The following TULP4 variants were observed in gnomAD, a reference collection of about 807,000 sequenced individuals.
TULP4 encodes the protein tubby-related protein 4.
A neutral mutation model predicts 129.0 loss-of-function variants in TULP4; 16 were observed. The observed-to-expected ratio is 0.12, with a 90% CI of 0.08 to 0.19. TULP4 has a LOEUF of 0.19. Ranked by LOEUF, TULP4 falls within the 10% of genes least tolerant of loss-of-function variation. The pLI is 1.00. For synonymous variants in TULP4, 998 were observed against 854.0 expected (o/e 1.17, Z -2.94); for missense variants, 1,842 against 2,059.1 (o/e 0.89, Z 2.04).
At chr6:158,468,849 A>G (rs2115213444) in intron 6 of TULP4, among the ~76,000 whole-genome samples, 1 of 152,286 alleles carries the variant, frequency 6.6e-6, no homozygotes, top group East Asian at 1.9e-4. Flanking sequence ...TAGAATGAGT[A>G]AAAGCAGGGA....
At chr6:158,372,163 G>C (rs1197597749) in intron 1 of TULP4, among the ~76,000 whole-genome samples, 3 of 10,464 alleles carry the variant, frequency 2.9e-4, no homozygotes, top group Admixed American at 1.2e-3. Flanking sequence ...CATTCTATCT[G>C]CTTTTTTTTT....
intron 5 of TULP4, among the ~76,000 whole-genome samples, chr6:158,453,525 T>G (rs1779215149): frequency 7.9e-6 from 1 of 126,458 alleles, no homozygotes; most frequent in African/African-American, 3.3e-5. Flanking sequence ...GCACGGTAGC[T>G]CACGCCTGTA....
chr6:158,243,550 C>CT (rs778494375), intron 1 of TULP4, among the ~76,000 whole-genome samples: 2 of 150,540 alleles, frequency 1.3e-5, no homozygotes, highest in African/African-American at 2.4e-5. Context: ...GGTTCTCTAT[C>CT]TTTTTTTTTC....
chr6:158,389,581 T>C (rs1452099984), intron 1 of TULP4, among the ~76,000 whole-genome samples: 1 of 152,198 alleles, frequency 6.6e-6, no homozygotes, highest in African/African-American at 2.4e-5. Context: ...TGGAGATCAA[T>C]AGAAGTGGAT....
chr6:158,489,576 G>A lies in TULP4; in HGVS notation c.1487-12G>A, dbSNP rs1308566593. The A allele has an allele frequency of 3.7e-6, 6 of 1,613,918 alleles. No individual in the cohort carries two copies. The highest frequency in any genetic ancestry group is 2.7e-5 in the African/African-American group (2 of 74,898). On this transcript the variant is annotated splice_polypyrimidine_tract_variant and intron_variant, in intron 8 of 13. Transcript: ENST00000367097. ...AACTTCCCTTGAAATCTGCTGGTTG[G>A]TGTTTTACCAGATGAAATCTATGGG...
At chr6:158,294,491 G>A (rs1778996283) in intron 1 of TULP4, among the ~76,000 whole-genome samples, 1 of 152,166 alleles carries the variant, frequency 6.6e-6, no homozygotes, top group Non-Finnish European at 1.5e-5. Context: ...CCTGGGTGTG[G>A]AGAGGAGGAA....
chr6:158,269,271 A>T (rs1778503700), intron 1 of TULP4, among the ~76,000 whole-genome samples: 1 of 152,094 alleles, frequency 6.6e-6, no homozygotes, highest in Non-Finnish European at 1.5e-5. Flanking sequence ...GTTTGGTGGA[A>T]AAAAGTATGG....
intron 1 of TULP4, among the ~76,000 whole-genome samples, chr6:158,367,161 T>G (rs1776937421): frequency 6.6e-6 from 1 of 152,232 alleles, no homozygotes; most frequent in African/African-American, 2.4e-5. Context: ...AGTACCCACC[T>G]GCTTTCCTCT....
At chr6:158,449,935 T>A (rs1779130149) in intron 4 of TULP4, among the ~76,000 whole-genome samples, 1 of 152,246 alleles carries the variant, frequency 6.6e-6, no homozygotes, top group African/African-American at 2.4e-5. Flanking sequence ...ATTGTGATAT[T>A]TCGATACACA....
At chr6:158,237,799 A>G in intron 1 of TULP4, 1 of 773,824 alleles carries the variant, frequency 1.3e-6, no homozygotes, top group Non-Finnish European at 2.4e-6. Flanking sequence ...ATCTACTTTT[A>G]GAGACATACT....
intron 2 of TULP4, among the ~76,000 whole-genome samples, chr6:158,419,790 A>G (rs949716425): frequency 1.3e-5 from 2 of 152,250 alleles, no homozygotes; most frequent in African/African-American, 4.8e-5. Context: ...TATTTTAAAT[A>G]TGTATACACT....
intron 1 of TULP4, among the ~76,000 whole-genome samples, chr6:158,410,681 T>C (rs1778078551): frequency 6.6e-6 from 1 of 152,230 alleles, no homozygotes; most frequent in African/African-American, 2.4e-5. Context: ...AAGATGTCTG[T>C]GAAGTGGGCT....
intron 1 of TULP4, chr6:158,242,165 G>A: frequency 9.0e-7 from 1 of 1,113,356 alleles, no homozygotes; most frequent in Non-Finnish European, 1.4e-6. Flanking sequence ...CCTGCCTGTG[G>A]GTCTTCCTCA....
At chr6:158,495,935 C>G (rs768657880) in intron 11 of TULP4, among the ~76,000 whole-genome samples, 5 of 152,168 alleles carry the variant, frequency 3.3e-5, no homozygotes, top group Non-Finnish European at 5.9e-5. Context: ...AATACCCTGT[C>G]CATGGCAAGT....
intron 1 of TULP4, among the ~76,000 whole-genome samples, chr6:158,258,793 T>A (rs1778296145): frequency 6.6e-6 from 1 of 152,226 alleles, no homozygotes; most frequent in Non-Finnish European, 1.5e-5. Flanking sequence ...TTTTGTAAAA[T>A]CAAATTTCTT....
intron 1 of TULP4, among the ~76,000 whole-genome samples, chr6:158,365,712 C>A (rs1351332630): frequency 1.3e-5 from 2 of 151,648 alleles, no homozygotes; most frequent in Admixed American, 1.3e-4. Context: ...ACCTTGTGAT[C>A]CGCCCGCCTT....
At chr6:158,326,015 G>A (rs1324084586) in intron 1 of TULP4, among the ~76,000 whole-genome samples, 1 of 149,172 alleles carries the variant, frequency 6.7e-6, no homozygotes, top group South Asian at 2.1e-4. Flanking sequence ...CTGAGATTTA[G>A]CACTCTTCTC....
intron 1 of TULP4, among the ~76,000 whole-genome samples, chr6:158,245,712 A>G (rs1778016762): frequency 6.6e-6 from 1 of 152,226 alleles, no homozygotes; most frequent in South Asian, 2.1e-4. Context: ...CCTTGCATGC[A>G]GCCATTGAAA....
At position 158,461,544 on chromosome 6, in the gene TULP4, CCT is replaced by C; in HGVS notation, c.860-13_860-12del. Reference sequence around the variant, plus strand: ...AGGAGGGCTGTGTCCTTGTGCTGACCCTCTCTCCTCTGTTTCAGAGGTGGTAG... The same window carrying C: ...AGGAGGGCTGTGTCCTTGTGCTGACCCTCTCCTCTGTTTCAGAGGTGGTAG... On this transcript the variant is annotated splice_polypyrimidine_tract_variant and intron_variant, in intron 5 of 13. Transcript: ENST00000367097. 1 of 1,609,196 alleles carries C rather than the reference CCT, an allele frequency of 6.2e-7. No homozygotes were observed. The highest frequency in any genetic ancestry group is 1.3e-5 in the African/African-American group (1 of 74,932).
Sources: gnomAD v4.1 joint callset for allele counts (sites outside exome capture counted in the v4.1 genomes callset) on GRCh38, gnomAD v4.1.1 for gene constraint, MANE v1.5 for transcripts, NCBI Gene and HGNC (gene_info 2026-07-23, HGNC 2026-07-21) for gene names.